Variants in R3HCC1L observed in about 807,000 individuals in gnomAD.
The protein encoded by R3HCC1L is coiled-coil domain-containing protein R3HCC1L.
A neutral mutation model predicts 59.9 loss-of-function variants in R3HCC1L; 51 were observed. That is an observed-to-expected ratio of 0.85 (90% CI 0.68 to 1.07). The LOEUF is 1.07. Ranked by LOEUF, R3HCC1L falls within the 50% of genes least tolerant of loss-of-function variation. The pLI, the probability that R3HCC1L is intolerant of heterozygous loss-of-function variation, is 0.00. For missense variants in R3HCC1L, 965 were observed against 933.0 expected, an observed-to-expected ratio of 1.03 and a Z score of -0.45; for synonymous variants, 322 against 315.2, an observed-to-expected ratio of 1.02 and a Z score of -0.23.
intron 4 of R3HCC1L, among the ~76,000 whole-genome samples, chr10:98,166,369 C>A (rs1847946602): frequency 6.6e-6 from 1 of 152,186 alleles, no homozygotes; most frequent in Non-Finnish European, 1.5e-5. Context: ...GCCACCCAGT[C>A]TGTGGTACTT....
At position 98,235,466 on chromosome 10, in the gene R3HCC1L, C is replaced by T. The variant is rs1249211055; in HGVS notation, c.2074C>T (p.Arg692Cys). The change falls in exon 8 of 10, where the codon CGT becomes TGT. Residue 692 changes from arginine to cysteine, a missense_variant. Physicochemically the swap from Arg to Cys is radical, Grantham distance 180 (BLOSUM62 -3). Transcript: ENST00000298999. ...TATTAAACACACCATGGTGAAGATT[C>T]GTCCCTTGTCACAGGCCACAAGAGC... ...LGIKHTMVKIRPLSQATRAAK... is the reference protein window; with the variant it reads ...LGIKHTMVKICPLSQATRAAK... 1.1e-5 allele frequency: 17 copies of T among 1,613,716 alleles called. No homozygotes were observed. Among genetic ancestry groups the T allele is most frequent in the Non-Finnish European group, 1.4e-5 (16 of 1,179,796 alleles).
At chr10:98,184,670 A>G (rs1225670942) in intron 4 of R3HCC1L, among the ~76,000 whole-genome samples, 2 of 152,180 alleles carry the variant, frequency 1.3e-5, no homozygotes, top group African/African-American at 2.4e-5. Flanking sequence ...CCTGCATTTG[A>G]TGGGAGATGG....
In R3HCC1L at chr10:98,174,720, T is replaced by C. The variant is rs576906062; in HGVS notation, c.-15+11323T>C. ...GTGTCTGAGAATGATAGAAGTATTA[T>C]TGAAATTGTAGATTGACACCAAATC... is the stretch of plus-strand genomic sequence containing the variant. On this transcript the variant is annotated intron_variant, in intron 4 of 9. Transcript: ENST00000298999. 1.3e-5 allele frequency: 13 copies of C among 984,348 alleles called. No homozygotes were observed. The East Asian group carries it at 8.0e-4, about 60-fold the overall frequency. 61.0% of individuals were successfully genotyped at this position (984,348 alleles called of 1,614,324 possible).
chr10:98,136,785 A>C (rs1184010763), intron 1 of R3HCC1L, among the ~76,000 whole-genome samples: 1 of 151,916 alleles, frequency 6.6e-6, no homozygotes, highest in Non-Finnish European at 1.5e-5. Flanking sequence ...TGCAGTGAGC[A>C]GAGATTGGGC....
intron 4 of R3HCC1L, 64 bp from the exon 5 acceptor site, chr10:98,208,034 AAAG>A: frequency 7.1e-7 from 1 of 1,417,166 alleles, no homozygotes; most frequent in Middle Eastern, 2.1e-4. Flanking sequence ...CAAAAAGAAA[AAAG>A]AAAATATTTT....
At chr10:98,223,777 C>G (rs184150924) in intron 5 of R3HCC1L, among the ~76,000 whole-genome samples, 1 of 152,076 alleles carries the variant, frequency 6.6e-6, no homozygotes, top group East Asian at 1.9e-4. Flanking sequence ...GTGTGCTGAT[C>G]CTTAGGGCTT....
At chr10:98,184,791 A>G (rs945508376) in intron 4 of R3HCC1L, among the ~76,000 whole-genome samples, 6 of 152,088 alleles carry the variant, frequency 3.9e-5, no homozygotes, top group African/African-American at 1.4e-4. Flanking sequence ...TTCTTTAAGC[A>G]GGGTAGATTT....
intron 4 of R3HCC1L, among the ~76,000 whole-genome samples, chr10:98,195,524 G>C (rs1851332750): frequency 6.6e-6 from 1 of 150,936 alleles, no homozygotes; most frequent in Non-Finnish European, 1.5e-5. Context: ...GTTTTCTCTG[G>C]AAGGAGAATA....
At chr10:98,145,533 TTAATC>T (rs1347599678) in intron 1 of R3HCC1L, among the ~76,000 whole-genome samples, 7 of 152,350 alleles carry the variant, frequency 4.6e-5, no homozygotes, top group Admixed American at 2.0e-4. Context: ...TAAAAATTGA[TTAATC>T]TAAATGAATG....
intron 4 of R3HCC1L, chr10:98,186,623 C>G: frequency 1.7e-6 from 1 of 602,006 alleles, no homozygotes; most frequent in Non-Finnish European, 2.1e-6. Flanking sequence ...GCTGTGGGTG[C>G]CAATAATGTT....
At chr10:98,196,429 A>T (rs1438372022) in intron 4 of R3HCC1L, among the ~76,000 whole-genome samples, 1 of 152,132 alleles carries the variant, frequency 6.6e-6, no homozygotes, top group Non-Finnish European at 1.5e-5. Context: ...AACAGCATTT[A>T]TCTTATTTTA....
rs111752423 is a variant in R3HCC1L, at chr10:98,193,757, A to G, written c.-14-14344A>G. On this transcript the variant is annotated intron_variant, in intron 4 of 9. Coordinates refer to ENST00000298999, the MANE Select transcript of R3HCC1L (RefSeq NM_001351015.2). ...TTGAGTATGACCTTTGAGCACTGTCAGCACACAAAAAGTTTTGGATTTTGG... is the reference window on the plus strand; with the variant it reads ...TTGAGTATGACCTTTGAGCACTGTCGGCACACAAAAAGTTTTGGATTTTGG... Among the ~76,000 whole-genome samples the G allele has an allele frequency of 9.8e-3, 1,490 of 152,264 alleles. 32 individuals are homozygous for G. The highest frequency in any genetic ancestry group is 0.034 in the African/African-American group (1,393 of 41,542).
intron 4 of R3HCC1L, 76 bp from the exon 5 acceptor site, chr10:98,208,025 A>G: frequency 1.5e-6 from 2 of 1,373,664 alleles, no homozygotes; most frequent in East Asian, 5.0e-5. Context: ...ACTCTGTCCC[A>G]AAAAGAAAAA....
intron 5 of R3HCC1L, among the ~76,000 whole-genome samples, chr10:98,216,076 T>A (rs1410218220): frequency 6.6e-6 from 1 of 152,220 alleles, no homozygotes; most frequent in African/African-American, 2.4e-5. Context: ...ATGATTTATT[T>A]TGAAATTTTG....
At position 98,236,044 on chromosome 10, in the gene R3HCC1L, G is replaced by T; in HGVS notation, c.2149G>T (p.Glu717Ter). Residue 717 changes from glutamate (E) to a stop codon, truncating the protein, a stop_gained, in exon 9 of 10, where the codon GAG (glutamate) becomes TAG (stop). Coordinates refer to ENST00000298999, the MANE Select transcript of R3HCC1L (RefSeq NM_001351015.2). LOFTEE classifies it high-confidence loss of function. ...TTCAGAGTTCCTCCAGCCAGCAAAG[G>T]AGCGTCCTGAGACTTCAGCAGCCCT... The part of the protein sequence containing the change: ...AYAEFLQPAK[E>*]RPETSAALAR... The T allele has an allele frequency of 6.2e-7, 1 of 1,613,762 alleles. No homozygotes were observed. The highest frequency in any genetic ancestry group is 8.5e-7 in the Non-Finnish European group (1 of 1,179,770).
chr10:98,173,999 A>G (rs942478477), intron 4 of R3HCC1L, among the ~76,000 whole-genome samples: 1 of 152,214 alleles, frequency 6.6e-6, no homozygotes, highest in Non-Finnish European at 1.5e-5. Context: ...CCTGCACTCA[A>G]TACTGTAATG....
At position 98,209,850 on chromosome 10, in the gene R3HCC1L, C is replaced by CT. The variant is rs1853347801; in HGVS notation, c.1737dup (p.Met580TyrfsTer3). The stretch of plus-strand genomic sequence containing the variant: ...ACTGCCATTGAGGAGAGCTGGGAGT[C>CT]TATGTTTAACGATGATGGTGACTGC... On this transcript the variant is annotated frameshift_variant, in exon 5 of 10. Transcript: ENST00000298999. LOFTEE classifies it high-confidence loss of function. The CT allele has an allele frequency of 1.2e-6, 2 of 1,613,578 alleles. No homozygotes were observed. The highest frequency in any genetic ancestry group is 1.7e-5 in the Admixed American group (1 of 60,008).
intron 7 of R3HCC1L, among the ~76,000 whole-genome samples, 196 bp downstream of exon 7, chr10:98,234,712 A>G (rs1856728176): frequency 6.6e-6 from 1 of 152,150 alleles, no homozygotes; most frequent in Non-Finnish European, 1.5e-5. Flanking sequence ...GTATTTGGAG[A>G]GATAGAGTCA....
intron 5 of R3HCC1L, among the ~76,000 whole-genome samples, chr10:98,210,832 C>T (rs1478942551): frequency 6.6e-6 from 1 of 152,094 alleles, no homozygotes; most frequent in African/African-American, 2.4e-5. Context: ...TTCCAAAGAC[C>T]CTTTTGAATA....
Sources: allele counts gnomAD v4.1 joint callset (sites outside exome capture counted in the v4.1 genomes callset), GRCh38; gene constraint gnomAD v4.1.1; transcripts MANE v1.5; gene names NCBI Gene and HGNC (gene_info 2026-07-23, HGNC 2026-07-21).